Variants in TMEM108 observed in about 807,000 individuals in gnomAD.
TMEM108 encodes cancer/testis antigen 124.
In TMEM108, 12 loss-of-function variants were observed where a neutral mutation model predicts 35.1. That is an observed-to-expected ratio of 0.34 (90% CI 0.22 to 0.55). The LOEUF is 0.55. TMEM108 is among the 20% of genes least tolerant of loss of function. TMEM108 has a pLI of 0.89. For missense variants in TMEM108, 680 were observed against 753.3 expected (o/e 0.90, Z 1.14); for synonymous variants, 287 against 308.6 (o/e 0.93, Z 0.73).
At chr3:133,076,596 A>G (rs1475719453) in intron 2 of TMEM108, among the ~76,000 whole-genome samples, 2 of 152,198 alleles carry the variant, frequency 1.3e-5, no homozygotes, top group East Asian at 1.9e-4. Flanking sequence ...CTCTGCCCTT[A>G]AAGTTTATGT....
chr3:133,309,744 A>G (rs1365374164), intron 3 of TMEM108, among the ~76,000 whole-genome samples: 1 of 112,192 alleles, frequency 8.9e-6, no homozygotes, highest in Non-Finnish European at 1.6e-5. Context: ...TCTGTCGCCC[A>G]GGCTGGAGTG....
At position 133,362,369 on chromosome 3, in the gene TMEM108, G is replaced by A. The variant is rs112122266; in HGVS notation, c.41-17383G>A. 1.3e-3 allele frequency among the ~76,000 whole-genome samples: 202 copies of A among 152,202 alleles called. 1 individual carries two copies. Among genetic ancestry groups the A allele is most frequent in the Non-Finnish European group, 1.9e-3 (130 of 67,998 alleles). On this transcript the variant is annotated intron_variant, in intron 3 of 5. Transcript: ENST00000321871. ...TCCTCCACAGTGATGATGTCCCATG[G>A]AGCCCCTTCTTTCCAGCCCTCCACT...
chr3:133,173,470 AG>A (rs1469417225), intron 2 of TMEM108, among the ~76,000 whole-genome samples: 1 of 152,230 alleles, frequency 6.6e-6, no homozygotes, highest in African/African-American at 2.4e-5. Context: ...TGGGCACACT[AG>A]CTGTTAAGTT....
intron 3 of TMEM108, among the ~76,000 whole-genome samples, chr3:133,344,831 A>C (rs2071768963): frequency 6.6e-6 from 1 of 151,798 alleles, no homozygotes; most frequent in Admixed American, 6.6e-5. Context: ...ATTTAGTGTA[A>C]AATTTTCAAC....
At chr3:133,114,001 A>T (rs1306401613) in intron 2 of TMEM108, among the ~76,000 whole-genome samples, 1 of 152,124 alleles carries the variant, frequency 6.6e-6, no homozygotes, top group Non-Finnish European at 1.5e-5. Context: ...CTTTCACATG[A>T]AGTGAAAGTA....
intron 2 of TMEM108, among the ~76,000 whole-genome samples, chr3:133,108,594 CT>C (rs1197320890): frequency 6.6e-6 from 1 of 151,938 alleles, no homozygotes; most frequent in Non-Finnish European, 1.5e-5. Context: ...ATGGTAGTTT[CT>C]TTTGCTGTGC....
intron 2 of TMEM108, among the ~76,000 whole-genome samples, chr3:133,089,001 A>G (rs536968319): frequency 2.7e-4 from 41 of 152,284 alleles, no homozygotes; most frequent in African/African-American, 9.6e-4. Context: ...GAAGCTTCCA[A>G]TCATGGCAGA....
At chr3:133,094,698 T>C (rs1278038545) in intron 2 of TMEM108, among the ~76,000 whole-genome samples, 7 of 152,210 alleles carry the variant, frequency 4.6e-5, no homozygotes, top group Non-Finnish European at 8.8e-5. Flanking sequence ...TTTCCACTTG[T>C]CTTGTTTGTA....
intron 2 of TMEM108, among the ~76,000 whole-genome samples, chr3:133,224,850 A>AACGTTCATG (rs1946045193): frequency 1.3e-5 from 2 of 151,826 alleles, no homozygotes; most frequent in South Asian, 4.2e-4. Flanking sequence ...TAGACATCTT[A>AACGTTCATG]ACATTCATGG....
intron 2 of TMEM108, among the ~76,000 whole-genome samples, chr3:133,214,301 T>C (rs1945874761): frequency 6.6e-6 from 1 of 152,176 alleles, no homozygotes; most frequent in Non-Finnish European, 1.5e-5. Flanking sequence ...GACTTCTTGG[T>C]GTCCATGTCC....
At chr3:133,360,608 G>C (rs1390592349) in intron 3 of TMEM108, among the ~76,000 whole-genome samples, 1 of 152,196 alleles carries the variant, frequency 6.6e-6, no homozygotes, top group Non-Finnish European at 1.5e-5. Flanking sequence ...AAGCAAAGCT[G>C]CTTCACCTGA....
chr3:133,343,585 A>C (rs2071728549), intron 3 of TMEM108, among the ~76,000 whole-genome samples: 1 of 151,908 alleles, frequency 6.6e-6, no homozygotes, highest in Non-Finnish European at 1.5e-5. Context: ...ACATGAATAA[A>C]TCTTAAGTAG....
chr3:133,300,867 A>G (rs1266906625), intron 3 of TMEM108, among the ~76,000 whole-genome samples: 1 of 151,968 alleles, frequency 6.6e-6, no homozygotes, highest in African/African-American at 2.4e-5. Context: ...TACTATCTCT[A>G]GGAATTATCT....
At chr3:133,136,744 G>A (rs1270089065) in intron 2 of TMEM108, among the ~76,000 whole-genome samples, 1 of 152,168 alleles carries the variant, frequency 6.6e-6, no homozygotes, top group Non-Finnish European at 1.5e-5. Context: ...CAGAGGAAAG[G>A]GAGCTGGTCA....
At chr3:133,213,733 T>C (rs1157458058) in intron 2 of TMEM108, among the ~76,000 whole-genome samples, 1 of 152,222 alleles carries the variant, frequency 6.6e-6, no homozygotes, top group East Asian at 1.9e-4. Context: ...TTCCATCTTA[T>C]GGTAAAATTA....
At chr3:133,054,460 T>G (rs1333797099) in intron 2 of TMEM108, among the ~76,000 whole-genome samples, 1 of 152,226 alleles carries the variant, frequency 6.6e-6, no homozygotes, top group Non-Finnish European at 1.5e-5. Context: ...TGAAAGACAT[T>G]TTGACATCTT....
intron 3 of TMEM108, among the ~76,000 whole-genome samples, chr3:133,304,490 C>T (rs2107705883): frequency 6.6e-6 from 1 of 152,158 alleles, no homozygotes; most frequent in Non-Finnish European, 1.5e-5. Context: ...TTATTGTGCC[C>T]ATTTATAGCA....
At chr3:133,312,863 C>T (rs1187735045) in intron 3 of TMEM108, among the ~76,000 whole-genome samples, 3 of 152,154 alleles carry the variant, frequency 2.0e-5, no homozygotes, top group South Asian at 2.1e-4. Context: ...CATCTTGGAA[C>T]GGAACCCTCC....
intron 3 of TMEM108, among the ~76,000 whole-genome samples, chr3:133,230,469 C>G (rs1220376344): frequency 6.6e-6 from 1 of 152,162 alleles, no homozygotes; most frequent in Admixed American, 6.5e-5. Flanking sequence ...TTCTATGGGA[C>G]TGCCAGTTTG....
Sources: allele counts gnomAD v4.1 joint callset (sites outside exome capture counted in the v4.1 genomes callset), GRCh38; gene constraint gnomAD v4.1.1; transcripts MANE v1.5; gene names NCBI Gene and HGNC (gene_info 2026-07-23, HGNC 2026-07-21).